GALNT17: variants seen among roughly 807,000 people sequenced by gnomAD.
The protein encoded by GALNT17 is polypeptide N-acetylgalactosaminyltransferase 17.
In GALNT17, 29 loss-of-function variants were observed where a neutral mutation model predicts 63.7. The observed-to-expected ratio is 0.46, with a 90% CI of 0.34 to 0.62. The LOEUF is 0.62. Among genes scored for constraint, GALNT17 ranks in the 20% least tolerant of loss-of-function variants. The probability of loss-of-function intolerance (pLI) is 0.01; values close to 1 mark genes in which losing one functional copy is unlikely to be tolerated. For synonymous variants in GALNT17, 305 were observed against 318.3 expected, an observed-to-expected ratio of 0.96 and a Z score of 0.45; for missense variants, 603 against 799.6, an observed-to-expected ratio of 0.75 and a Z score of 2.97.
At chr7:71,530,153 T>C (rs1460430199) in intron 5 of GALNT17, among the ~76,000 whole-genome samples, 2 of 152,332 alleles carry the variant, frequency 1.3e-5, no homozygotes, top group Non-Finnish European at 2.9e-5. Flanking sequence ...TGGACAAAGT[T>C]CTGGACCCAG....
At position 71,665,511 on chromosome 7, in the gene GALNT17, C is replaced by T; in HGVS notation, c.1181C>T (p.Thr394Ile). 6.2e-7 allele frequency: 1 copy of T among 1,614,008 alleles called. No individual in the cohort carries two copies. Residue 394 changes from threonine to isoleucine, a missense_variant, in exon 7 of 11, where the codon ACC becomes ATC. Coordinates refer to ENST00000333538, the MANE Select transcript of GALNT17 (RefSeq NM_022479.3). ...TATAATAGCAACATTGGCTTCTACA[C>T]CAAGAGGAATGCTCTTCGCGTTGCT... The part of the protein sequence containing the change: ...KPYNSNIGFY[T>I]KRNALRVAEV...
chr7:71,429,047 A>T (rs529338206), intron 5 of GALNT17, among the ~76,000 whole-genome samples: 219 of 152,302 alleles, frequency 1.4e-3, no homozygotes, highest in Non-Finnish European at 2.6e-3. Flanking sequence ...CCACTTACTT[A>T]TCCAAAGTAT....
intron 5 of GALNT17, among the ~76,000 whole-genome samples, chr7:71,454,189 C>G (rs1787315152): frequency 6.6e-6 from 1 of 152,116 alleles, no homozygotes; most frequent in Non-Finnish European, 1.5e-5. Context: ...ACCTAGCAAC[C>G]CATCACCTAG....
intron 1 of GALNT17, among the ~76,000 whole-genome samples, chr7:71,225,690 C>T (rs1406038481): frequency 6.6e-6 from 1 of 152,114 alleles, no homozygotes; most frequent in Non-Finnish European, 1.5e-5. Context: ...AATAAGCAGA[C>T]AAGTATTTAT....
intron 1 of GALNT17, among the ~76,000 whole-genome samples, chr7:71,280,902 C>T (rs949615116): frequency 6.6e-6 from 1 of 152,148 alleles, no homozygotes; most frequent in African/African-American, 2.4e-5. Context: ...TCACCCTGAT[C>T]CCCATGGGTT....
At chr7:71,304,454 A>C (rs12699010) in intron 1 of GALNT17, among the ~76,000 whole-genome samples, 11,271 of 152,156 alleles carry the variant, frequency 0.074, 454 homozygotes, top group African/African-American at 0.099. Flanking sequence ...ATACATTGTC[A>C]AGGAATAAGC....
rs138033534 is a variant in GALNT17, at chr7:71,324,506, A to G, written c.239-11044A>G. 2.8e-3 allele frequency among the ~76,000 whole-genome samples: 427 copies of G among 152,224 alleles called. 10 individuals are homozygous for G. In the East Asian group the frequency reaches 0.061, roughly 22 times the overall value. Reference sequence around the variant, plus strand: ...TCTCTACTAAAAACACACACACACAAAATAAGCTGGGCATGGTGGCATATG... The same window carrying G: ...TCTCTACTAAAAACACACACACACAGAATAAGCTGGGCATGGTGGCATATG... On this transcript the variant is annotated intron_variant, in intron 1 of 10. Transcript: ENST00000333538.
intron 1 of GALNT17, among the ~76,000 whole-genome samples, chr7:71,305,480 C>G (rs532658611): frequency 5.5e-4 from 83 of 152,288 alleles, no homozygotes; most frequent in African/African-American, 1.9e-3. Flanking sequence ...CCCGGAAATT[C>G]AGAGTAGTGA....
At chr7:71,626,816 C>T (rs6961952) in intron 6 of GALNT17, among the ~76,000 whole-genome samples, 134,864 of 152,208 alleles carry the variant, frequency 0.89, 61,969 homozygotes, top group Non-Finnish European at 1. Context: ...TGCTGAGCCT[C>T]GCAGAGGGAG....
intron 6 of GALNT17, among the ~76,000 whole-genome samples, chr7:71,631,773 A>G (rs1312805392): frequency 1.3e-5 from 2 of 152,142 alleles, no homozygotes; most frequent in African/African-American, 4.8e-5. Flanking sequence ...GCTGAGGTGC[A>G]ATATTGGGAT....
intron 7 of GALNT17, 40 bp downstream of exon 7, chr7:71,665,636 G>C (rs1245592876): frequency 6.4e-7 from 1 of 1,569,294 alleles, no homozygotes; most frequent in Non-Finnish European, 8.6e-7. Flanking sequence ...CCAGTACAGT[G>C]ATCCTTACTG....
intron 1 of GALNT17, among the ~76,000 whole-genome samples, chr7:71,308,900 C>T (rs752931745): frequency 4.5e-4 from 69 of 152,082 alleles, no homozygotes; most frequent in Middle Eastern, 6.8e-3. Context: ...AGCACCATTA[C>T]GCCTGGGTAA....
At chr7:71,340,289 A>G (rs968874463) in intron 2 of GALNT17, among the ~76,000 whole-genome samples, 1 of 152,200 alleles carries the variant, frequency 6.6e-6, no homozygotes, top group Non-Finnish European at 1.5e-5. Flanking sequence ...GAGAAGATGA[A>G]CTATAGTTCA....
chr7:71,633,213 CAT>C (rs1790481935), intron 6 of GALNT17, among the ~76,000 whole-genome samples: 1 of 150,944 alleles, frequency 6.6e-6, no homozygotes, highest in Admixed American at 6.6e-5. Context: ...GTGAAGAAAA[CAT>C]AGTCCCTGCC....
intron 1 of GALNT17, among the ~76,000 whole-genome samples, chr7:71,301,963 T>C (rs1791207193): frequency 6.6e-6 from 1 of 152,116 alleles, no homozygotes. Flanking sequence ...CAAAATGTCA[T>C]CACAAACCAT....
chr7:71,133,074 C>A (rs2116130020), intron 1 of GALNT17, 34 bp downstream of exon 1: 1 of 1,481,172 alleles, frequency 6.8e-7, no homozygotes, highest in Non-Finnish European at 8.9e-7. Flanking sequence ...CGGGGCTCGA[C>A]GCGGGCGGGC....
chr7:71,246,285 G>A (rs1450649223), intron 1 of GALNT17, among the ~76,000 whole-genome samples: 3 of 151,164 alleles, frequency 2.0e-5, no homozygotes, highest in Non-Finnish European at 4.4e-5. Flanking sequence ...ACCACTCCTG[G>A]CTAATTTTTG....
chr7:71,302,601 T>G (rs1791220408), intron 1 of GALNT17, among the ~76,000 whole-genome samples: 1 of 152,168 alleles, frequency 6.6e-6, no homozygotes, highest in Admixed American at 6.5e-5. Flanking sequence ...GCTCAGGCAC[T>G]GTAATCTCAT....
chr7:71,338,055 G>A (rs1050509354), intron 2 of GALNT17, among the ~76,000 whole-genome samples: 1 of 151,632 alleles, frequency 6.6e-6, no homozygotes, highest in Non-Finnish European at 1.5e-5. Flanking sequence ...TAAAAATTGC[G>A]AGGTGCGGTG....
Sources: gnomAD v4.1 joint callset for allele counts (sites outside exome capture counted in the v4.1 genomes callset) on GRCh38, gnomAD v4.1.1 for gene constraint, MANE v1.5 for transcripts, NCBI Gene and HGNC (gene_info 2026-07-23, HGNC 2026-07-21) for gene names.